Variants in ACVR1B observed in about 807,000 individuals in gnomAD.
The protein encoded by ACVR1B is activin receptor type-1B.
ACVR1B carries 15 observed loss-of-function variants against 55.6 expected under a neutral mutation model. That is an observed-to-expected ratio of 0.27 (90% CI 0.18 to 0.42). The LOEUF (loss-of-function observed/expected upper bound fraction) is 0.42, where lower values mean the gene tolerates loss of function less well. ACVR1B is among the 10% of genes least tolerant of loss of function. The pLI, the probability that ACVR1B is intolerant of heterozygous loss-of-function variation, is 1.00. For missense variants in ACVR1B, 359 were observed against 670.1 expected, an observed-to-expected ratio of 0.54 and a Z score of 5.13; for synonymous variants, 247 against 254.6, an observed-to-expected ratio of 0.97 and a Z score of 0.28.
chr12:51,960,409 G>A (rs1236513389), intron 1 of ACVR1B, among the ~76,000 whole-genome samples: 1 of 152,054 alleles, frequency 6.6e-6, no homozygotes, highest in Non-Finnish European at 1.5e-5. Context: ...GTGACAGAGT[G>A]AGATCCTGTC....
intron 8 of ACVR1B, among the ~76,000 whole-genome samples, chr12:51,992,984 C>CT (rs1296264977): frequency 6.6e-6 from 1 of 152,216 alleles, no homozygotes; most frequent in Non-Finnish European, 1.5e-5. Flanking sequence ...TTTCCTTTTA[C>CT]TTATTTTTTT....
intron 1 of ACVR1B, among the ~76,000 whole-genome samples, chr12:51,955,178 G>T (rs1331363101): frequency 6.6e-6 from 1 of 152,216 alleles, no homozygotes; most frequent in East Asian, 1.9e-4. Context: ...GAAGTGGCCA[G>T]AATGGTGACT....
chr12:51,996,593 G>A lies in ACVR1B; in HGVS notation c.*2483G>A, dbSNP rs1288477451. On this transcript the variant is annotated 3_prime_UTR_variant, in exon 9 of 9. Coordinates refer to ENST00000257963, the MANE Select transcript of ACVR1B (RefSeq NM_004302.5). ...TTCCCAGAGTCACAAGTAGCCTCTGGGATCTGCCAACACACGTCCACTCCC... is the reference window on the plus strand; with the variant it reads ...TTCCCAGAGTCACAAGTAGCCTCTGAGATCTGCCAACACACGTCCACTCCC... 6.6e-6 allele frequency: 1 copy of A among 152,494 alleles called. No homozygotes were observed. The highest frequency in any genetic ancestry group is 1.5e-5 in the Non-Finnish European group (1 of 68,066). 9.4% of individuals were successfully genotyped at this position (152,494 alleles called of 1,614,324 possible).
intron 7 of ACVR1B, chr12:51,987,430 G>C (rs553439432): frequency 6.9e-5 from 26 of 376,114 alleles, no homozygotes; most frequent in Non-Finnish European, 1.0e-4. Context: ...GTTAAAAATC[G>C]TTGGCATTTG....
chr12:51,987,998 T>C (rs1942115012), intron 7 of ACVR1B, among the ~76,000 whole-genome samples: 1 of 152,130 alleles, frequency 6.6e-6, no homozygotes, highest in Non-Finnish European at 1.5e-5. Flanking sequence ...AATTAAAAAT[T>C]AAAAAAATCT....
chr12:51,996,564 C>G lies in ACVR1B; in HGVS notation c.*2454C>G, dbSNP rs901141015. The G allele has an allele frequency of 1.3e-5, 2 of 152,632 alleles. No homozygotes were observed. The highest frequency in any genetic ancestry group is 2.4e-5 in the African/African-American group (1 of 41,424). 9.5% of individuals were successfully genotyped at this position (152,632 alleles called of 1,614,324 possible). A position where few individuals can be genotyped will look rare whatever the true frequency, so the allele number is the denominator to read the frequency against. ...TATAGGTAATGATGGAACTTAGACTCCTCTTCCCAGAGTCACAAGTAGCCT... is the reference window on the plus strand; with the variant it reads ...TATAGGTAATGATGGAACTTAGACTGCTCTTCCCAGAGTCACAAGTAGCCT... On this transcript the variant is annotated 3_prime_UTR_variant, in exon 9 of 9. Coordinates refer to ENST00000257963, the MANE Select transcript of ACVR1B (RefSeq NM_004302.5).
At chr12:51,988,577 C>A (rs575399203) in intron 7 of ACVR1B, among the ~76,000 whole-genome samples, 4 of 152,274 alleles carry the variant, frequency 2.6e-5, no homozygotes, top group African/African-American at 9.6e-5. Flanking sequence ...TATAATAATG[C>A]TAACATTTAT....
intron 1 of ACVR1B, among the ~76,000 whole-genome samples, chr12:51,964,705 T>C (rs1455368076): frequency 6.6e-6 from 1 of 152,234 alleles, no homozygotes; most frequent in African/African-American, 2.4e-5. Flanking sequence ...TTCATCACCA[T>C]ATTTTGAAGA....
chr12:51,992,625 C>T (rs1220745348), intron 8 of ACVR1B, among the ~76,000 whole-genome samples: 1 of 152,182 alleles, frequency 6.6e-6, no homozygotes, highest in Admixed American at 6.5e-5. Context: ...CCGAGCTGAG[C>T]TGAGCTCCAT....
chr12:51,965,175 A>T (rs1481395245), intron 1 of ACVR1B, among the ~76,000 whole-genome samples: 1 of 152,212 alleles, frequency 6.6e-6, no homozygotes, highest in Non-Finnish European at 1.5e-5. Flanking sequence ...TAGTATGCCT[A>T]AGAAACCCTG....
At chr12:51,968,615 T>C (rs989597795) in intron 1 of ACVR1B, among the ~76,000 whole-genome samples, 1 of 152,330 alleles carries the variant, frequency 6.6e-6, no homozygotes, top group East Asian at 1.9e-4. Flanking sequence ...CTATGGTATA[T>C]GGTGGATGTG....
chr12:51,989,375 C>T (rs1041996541), intron 7 of ACVR1B, among the ~76,000 whole-genome samples: 5 of 152,118 alleles, frequency 3.3e-5, no homozygotes, highest in Non-Finnish European at 5.9e-5. Context: ...ACCTCCGCCT[C>T]CTGGGTTCAA....
chr12:51,968,548 GGCAGGGTCTACCCA>G (rs1172522629), intron 1 of ACVR1B, among the ~76,000 whole-genome samples: 1 of 152,178 alleles, frequency 6.6e-6, no homozygotes, highest in East Asian at 1.9e-4. Flanking sequence ...CTTTCCAATA[GGCAGGGTCTACCCA>G]TGTCCCTTCC....
At chr12:51,985,134 T>A (rs538631382) in intron 5 of ACVR1B, 58 bp from the exon 6 acceptor site, 1 of 1,535,148 alleles carries the variant, frequency 6.5e-7, no homozygotes, top group African/African-American at 1.4e-5. Context: ...CTGCATAGTC[T>A]ATGCTTTTAA....
At chr12:51,976,277 C>T (rs1035133235) in intron 2 of ACVR1B, 50 bp from the exon 3 acceptor site, 11 of 1,608,492 alleles carry the variant, frequency 6.8e-6, no homozygotes, top group African/African-American at 4.0e-5. Flanking sequence ...TTTACTCTTT[C>T]CCTTGTTTTT....
chr12:51,996,667 A>G lies in ACVR1B; in HGVS notation c.*2557A>G, dbSNP rs1942303440. ...TGGCCCTTCTGCCCTTACCCCACAC[A>G]CAGTCCAACTCTTCCACCTCTGGGG... On this transcript the variant is annotated 3_prime_UTR_variant, in exon 9 of 9. Coordinates refer to ENST00000257963, the MANE Select transcript of ACVR1B (RefSeq NM_004302.5). 6.6e-6 allele frequency: 1 copy of G among 152,464 alleles called. No homozygotes were observed. Among genetic ancestry groups the G allele is most frequent in the East Asian group, 1.9e-4 (1 of 5,194 alleles). The allele number at this position is 152,464 out of a possible 1,614,324, so 9.4% of individuals were successfully genotyped here.
intron 4 of ACVR1B, chr12:51,982,547 T>G: frequency 1.1e-6 from 1 of 938,802 alleles, no homozygotes; most frequent in Non-Finnish European, 1.5e-6. Context: ...GAGGATGCTG[T>G]GAGTGGCTGG....
In ACVR1B at chr12:51,958,173, T is replaced by C. The variant is rs923102779; in HGVS notation, c.91+6339T>C. ...GTATACAAAAGTGGTAGAAATAAAA[T>C]TGTAGAATTTCACTAAACCAGAATT... On this transcript the variant is annotated intron_variant, in intron 1 of 8. Transcript: ENST00000257963. Among the ~76,000 whole-genome samples the C allele has an allele frequency of 4.6e-5, 7 of 152,138 alleles. No individual in the cohort carries two copies. In the South Asian group the frequency reaches 8.3e-4, roughly 18 times the overall value.
intron 1 of ACVR1B, among the ~76,000 whole-genome samples, chr12:51,967,715 A>C (rs1941669373): frequency 1.3e-5 from 2 of 152,218 alleles, no homozygotes; most frequent in South Asian, 4.1e-4. Context: ...CTTATTCTTC[A>C]GAGCCACCCT....
Sources: gnomAD v4.1 joint callset for allele counts (sites outside exome capture counted in the v4.1 genomes callset) on GRCh38, gnomAD v4.1.1 for gene constraint, MANE v1.5 for transcripts, NCBI Gene and HGNC (gene_info 2026-07-23, HGNC 2026-07-21) for gene names.